The following JADE1 variants were observed in gnomAD, a reference collection of about 807,000 sequenced individuals.
The protein encoded by JADE1 is protein Jade-1.
In JADE1, 14 loss-of-function variants were observed where a neutral mutation model predicts 81.8. That is an observed-to-expected ratio of 0.17 (90% confidence interval 0.11 to 0.27). JADE1 has a LOEUF of 0.27. JADE1 is among the 10% of genes least tolerant of loss of function. The pLI is 1.00. For synonymous variants in JADE1, 353 were observed against 391.9 expected (o/e 0.90, Z 1.17); for missense variants, 690 against 1,047.9 (o/e 0.66, Z 4.71).
chr4:128,835,147 G>A (rs114767202), intron 2 of JADE1, among the ~76,000 whole-genome samples: 1,924 of 152,272 alleles, frequency 0.013, 51 homozygotes, highest in African/African-American at 0.044. Flanking sequence ...GTTATCAAAG[G>A]GTTAGCCTAG....
chr4:128,860,877 G>A (rs147029275), intron 8 of JADE1, among the ~76,000 whole-genome samples: 4 of 152,182 alleles, frequency 2.6e-5, no homozygotes, highest in Admixed American at 1.3e-4. Flanking sequence ...GGATCGGCGT[G>A]CACCGATCTC....
chr4:128,823,263 G>A (rs933330374), intron 1 of JADE1, among the ~76,000 whole-genome samples: 5 of 152,196 alleles, frequency 3.3e-5, no homozygotes, highest in Non-Finnish European at 7.3e-5. Context: ...CTCATAAGCA[G>A]TGATTGGATT....
Position 128,861,534 on chromosome 4 carries a change from C to G in JADE1, c.982-170C>G, listed in dbSNP as rs539936318. ...ATTCCAAGCCTTACCTCTTTTAAAA[C>G]ATGACAGGATCTTGCAGGGTTAATC... On this transcript the variant is annotated intron_variant, in intron 8 of 10. Coordinates refer to ENST00000226319, the MANE Select transcript of JADE1 (RefSeq NM_199320.4). Among the ~76,000 whole-genome samples, 4 of 152,326 alleles carry G rather than the reference C, an allele frequency of 2.6e-5. No homozygotes were observed. In the East Asian group the frequency reaches 7.7e-4, roughly 29 times the overall value.
chr4:128,862,005 A>G lies in JADE1; in HGVS notation c.1283A>G (p.Tyr428Cys). Residue 428 changes from tyrosine to cysteine, a missense_variant, in exon 9 of 11, where the codon TAC becomes TGC. Tyr to Cys is a radical substitution (Grantham distance 194). Coordinates refer to ENST00000226319, the MANE Select transcript of JADE1 (RefSeq NM_199320.4). ...CTGCAGCAGTTGGAGGATGAGTTCT[A>G]CACCTTCGTCAACCTGCTGGATGTT... ...QKLQQLEDEF[Y>C]TFVNLLDVAR... The G allele has an allele frequency of 6.2e-7, 1 of 1,614,154 alleles. No individual in the cohort carries two copies. The highest frequency in any genetic ancestry group is 8.5e-7 in the Non-Finnish European group (1 of 1,180,026).
intron 2 of JADE1, among the ~76,000 whole-genome samples, chr4:128,841,136 A>G (rs1729403372): frequency 6.6e-6 from 1 of 152,200 alleles, no homozygotes; most frequent in African/African-American, 2.4e-5. Context: ...GTGACAAATG[A>G]TTTCACTGGC....
chr4:128,865,552 T>C (rs1731719408), intron 9 of JADE1, among the ~76,000 whole-genome samples: 1 of 152,204 alleles, frequency 6.6e-6, no homozygotes, highest in South Asian at 2.1e-4. Flanking sequence ...AGAGCATCAG[T>C]CCAGCTCTGC....
chr4:128,815,867 AT>A (rs1726982816), intron 1 of JADE1, among the ~76,000 whole-genome samples: 1 of 152,202 alleles, frequency 6.6e-6, no homozygotes, highest in African/African-American at 2.4e-5. Context: ...GAAATATGAC[AT>A]ATTAGCGAAC....
intron 2 of JADE1, among the ~76,000 whole-genome samples, chr4:128,841,326 T>C (rs901020643): frequency 1.3e-5 from 2 of 152,208 alleles, no homozygotes; most frequent in Non-Finnish European, 2.9e-5. Flanking sequence ...GTTTCAGATC[T>C]CTGGCAGCAG....
chr4:128,813,402 G>A (rs532423472), intron 1 of JADE1, among the ~76,000 whole-genome samples: 50 of 131,058 alleles, frequency 3.8e-4, no homozygotes, highest in African/African-American at 1.3e-3. Context: ...ATTTACTTAC[G>A]GTCACTTTTT....
intron 3 of JADE1, among the ~76,000 whole-genome samples, chr4:128,845,038 G>T (rs933837145): frequency 1.9e-4 from 29 of 152,230 alleles, no homozygotes; most frequent in African/African-American, 6.5e-4. Context: ...TAAACAGACA[G>T]GGCAGCTTAC....
At chr4:128,838,867 T>C (rs989802947) in intron 2 of JADE1, among the ~76,000 whole-genome samples, 3 of 152,296 alleles carry the variant, frequency 2.0e-5, no homozygotes, top group Middle Eastern at 3.4e-3. Flanking sequence ...CTCTAGCCTG[T>C]GGCCTTCCAT....
At chr4:128,850,054 G>A (rs1730216637) in intron 5 of JADE1, among the ~76,000 whole-genome samples, 1 of 152,134 alleles carries the variant, frequency 6.6e-6, no homozygotes, top group Non-Finnish European at 1.5e-5. Context: ...AGCACTTTGG[G>A]AAGCCAAGGT....
At chr4:128,824,304 G>A (rs1219579786) in intron 1 of JADE1, among the ~76,000 whole-genome samples, 2 of 151,970 alleles carry the variant, frequency 1.3e-5, no homozygotes, top group South Asian at 2.1e-4. Context: ...GTTGGCAGGC[G>A]CCTGTAGTCC....
At chr4:128,853,020 C>G (rs1054520124) in intron 6 of JADE1, among the ~76,000 whole-genome samples, 2 of 151,804 alleles carry the variant, frequency 1.3e-5, no homozygotes, top group Non-Finnish European at 2.9e-5. Context: ...CTCCGCCTCC[C>G]GAGTAGCTGG....
At chr4:128,862,260 GAGA>G (rs1480003953) in intron 9 of JADE1, 35 bp downstream of exon 9, 1 of 1,612,462 alleles carries the variant, frequency 6.2e-7, no homozygotes. Flanking sequence ...TAGTGACTTA[GAGA>G]AGAAGATGCA....
chr4:128,847,532 G>A (rs1338719706), intron 4 of JADE1, among the ~76,000 whole-genome samples: 1 of 152,184 alleles, frequency 6.6e-6, no homozygotes, highest in East Asian at 1.9e-4. Context: ...AGTGGTCATG[G>A]GGCCCTGCGG....
intron 9 of JADE1, 64 bp downstream of exon 9, chr4:128,862,289 G>T (rs762495492): frequency 6.2e-7 from 1 of 1,600,656 alleles, no homozygotes; most frequent in Admixed American, 1.7e-5. Flanking sequence ...GCGAACGCTC[G>T]CCCAGAGCAA....
chr4:128,871,640 C>A lies in JADE1; in HGVS notation c.1907C>A (p.Thr636Asn). Residue 636 changes from threonine to asparagine, a missense_variant, in exon 11 of 11, where the codon ACC (threonine) becomes AAC (asparagine). By Grantham distance (65) the Thr-to-Asn change is moderately conservative. This residue lies in a region of JADE1 where 218 missense variants were observed against 274.3 expected (regional missense o/e 0.79). Coordinates refer to ENST00000226319, the MANE Select transcript of JADE1 (RefSeq NM_199320.4). This position sits in a 1 kb window ranked among gnomAD's most constrained non-coding sequence, Gnocchi z 4.1. ...VPESFLGLEK[T>N]FAEARLISAQ... ...GAGAGCTTTTTGGGTTTAGAAAAGACCTTTGCAGAAGCACGTCTCATATCA... is the reference window on the plus strand; with the variant it reads ...GAGAGCTTTTTGGGTTTAGAAAAGAACTTTGCAGAAGCACGTCTCATATCA... 1 of 1,614,124 alleles carries A rather than the reference C, an allele frequency of 6.2e-7. No individual in the cohort carries two copies. The highest frequency in any genetic ancestry group is 8.5e-7 in the Non-Finnish European group (1 of 1,180,018).
At chr4:128,855,478 A>G in intron 6 of JADE1, 152 bp from the exon 7 acceptor site, 1 of 749,406 alleles carries the variant, frequency 1.3e-6, no homozygotes, top group Non-Finnish European at 2.0e-6. Context: ...TCCCGAGGGG[A>G]GACGGTCGTA....
Sources: allele counts gnomAD v4.1 joint callset (sites outside exome capture counted in the v4.1 genomes callset), GRCh38; gene constraint gnomAD v4.1.1; regional missense constraint gnomAD v4.1.1; non-coding constraint Gnocchi (gnomAD v3.1); transcripts MANE v1.5; gene names NCBI Gene and HGNC (gene_info 2026-07-23, HGNC 2026-07-21).